Variants in USP30 observed in about 807,000 individuals in gnomAD.
USP30 encodes the protein ubiquitin specific peptidase 30.
In USP30, 41 loss-of-function variants were observed where a neutral mutation model predicts 68.2. The ratio of observed to expected loss-of-function variants is 0.60; its 90% CI spans 0.47 to 0.78. The LOEUF is 0.78. Among genes scored for constraint, USP30 ranks in the 30% least tolerant of loss-of-function variants. The probability of loss-of-function intolerance (pLI) is 0.00; values close to 1 mark genes in which losing one functional copy is unlikely to be tolerated. For synonymous variants in USP30, 229 were observed against 253.7 expected (o/e 0.90, Z 0.93); for missense variants, 522 against 649.4 (o/e 0.80, Z 2.13).
In USP30 at chr12:109,086,990, A is replaced by G. The variant is rs571199523; in HGVS notation, c.*1059A>G. 6.6e-6 allele frequency: 1 copy of G among 152,172 alleles called. No homozygotes were observed. Among genetic ancestry groups the G allele is most frequent in the South Asian group, 2.1e-4 (1 of 4,820 alleles). The allele number at this position is 152,172 out of a possible 1,614,324, so 9.4% of individuals were successfully genotyped here. ...TCAGCCCTTTTCACGAAAAGGAGAAAGCAGCTTTTGACTTTTTAAAAAACA... is the reference window on the plus strand; with the variant it reads ...TCAGCCCTTTTCACGAAAAGGAGAAGGCAGCTTTTGACTTTTTAAAAAACA... On this transcript the variant is annotated 3_prime_UTR_variant, in exon 13 of 13. Coordinates refer to ENST00000257548, the MANE Select transcript of USP30 (RefSeq NM_032663.5).
At chr12:109,038,347 A>AT (rs2040537168) in intron 3 of USP30, among the ~76,000 whole-genome samples, 1 of 152,004 alleles carries the variant, frequency 6.6e-6, no homozygotes, top group African/African-American at 2.4e-5. Flanking sequence ...ATTCATTTTT[A>AT]TGGTTGCATA....
At chr12:109,043,597 A>C (rs11829521) in intron 3 of USP30, among the ~76,000 whole-genome samples, 5,336 of 152,302 alleles carry the variant, frequency 0.035, 297 homozygotes, top group African/African-American at 0.12. Context: ...AAATACCAAA[A>C]TGCAAGACCT....
At chr12:109,060,949 T>C (rs556974159) in intron 3 of USP30, among the ~76,000 whole-genome samples, 9 of 152,166 alleles carry the variant, frequency 5.9e-5, no homozygotes, top group Non-Finnish European at 1.2e-4. Context: ...CTTGGCCTTT[T>C]TAATTTTTTT....
At chr12:109,056,575 T>G in intron 1 of USP30, 107 bp from the exon 2 acceptor site, 1 of 659,138 alleles carries the variant, frequency 1.5e-6, no homozygotes, top group Non-Finnish European at 2.6e-6. Flanking sequence ...TAACTTGCAA[T>G]TAGGTATTTG....
upstream of USP30, among the ~76,000 whole-genome samples, chr12:109,049,575 G>A (rs561659461): frequency 1.6e-4 from 24 of 152,214 alleles, 1 homozygote; most frequent in South Asian, 4.2e-3. Flanking sequence ...AGCACTTTGG[G>A]AGGCCAGGGC....
chr12:109,077,736 C>G (rs1453696178), intron 7 of USP30, among the ~76,000 whole-genome samples: 1 of 151,934 alleles, frequency 6.6e-6, no homozygotes, highest in Non-Finnish European at 1.5e-5. Flanking sequence ...TCCCCCTTCA[C>G]TGGCTTCTTT....
rs370667369 is a variant in USP30, at chr12:109,070,521, T to C, written c.481-1091T>C. Among the ~76,000 whole-genome samples the C allele has an allele frequency of 5.3e-5, 8 of 152,314 alleles. No individual in the cohort carries two copies. Among genetic ancestry groups the C allele is most frequent in the South Asian group, 2.1e-4 (1 of 4,830 alleles). On this transcript the variant is annotated intron_variant, in intron 4 of 12. Transcript: ENST00000257548. This position sits in a 1 kb window ranked among gnomAD's most constrained non-coding sequence, Gnocchi z 4.0. ...GGGACATTGTGAATGTTGGGGGCTT[T>C]GTAGGCCAGATAAGAATGGTAGGTT...
rs145026925 is a variant in USP30, at chr12:109,083,660, T to C, written c.1168+598T>C. Reference sequence around the variant, plus strand: ...GGCCCTAGAATGCCATGTTGGGCCATTTTCTAAAGGTGTCTCATGTGACAC... The same window carrying C: ...GGCCCTAGAATGCCATGTTGGGCCACTTTCTAAAGGTGTCTCATGTGACAC... On this transcript the variant is annotated intron_variant, in intron 11 of 12. Transcript: ENST00000257548. 2.1e-3 allele frequency among the ~76,000 whole-genome samples: 321 copies of C among 152,170 alleles called. 2 individuals carry two copies. The highest frequency in any genetic ancestry group is 7.5e-3 in the African/African-American group (313 of 41,498).
At chr12:109,038,349 G>C (rs955687145) in intron 3 of USP30, among the ~76,000 whole-genome samples, 2 of 152,046 alleles carry the variant, frequency 1.3e-5, no homozygotes, top group African/African-American at 4.8e-5. Context: ...TCATTTTTAT[G>C]GTTGCATAGT....
At chr12:109,051,249 C>CTTTTTTTTTTTT (rs138942249), upstream of USP30, among the ~76,000 whole-genome samples, 1 of 63,566 alleles carries the variant, frequency 1.6e-5, no homozygotes, top group Non-Finnish European at 2.6e-5. Flanking sequence ...TTACCTCTTG[C>CTTTTTTTTTTTT]TTTTTTTTTT....
At chr12:109,046,228 A>G (rs1359858304) in intron 3 of USP30, among the ~76,000 whole-genome samples, 1 of 148,960 alleles carries the variant, frequency 6.7e-6, no homozygotes, top group Admixed American at 6.8e-5. Context: ...CAGCCTCCCT[A>G]GTACCTGGGA....
Position 109,073,351 on chromosome 12 carries a change from T to G in USP30, c.626-87T>G, listed in dbSNP as rs577143436. 2.7e-5 allele frequency: 25 copies of G among 922,468 alleles called. No homozygotes were observed. The South Asian group carries it at 3.5e-4, about 13-fold the overall frequency. The allele number at this position is 922,468 out of a possible 1,614,324, so 57.1% of individuals were successfully genotyped here. On this transcript the variant is annotated intron_variant, in intron 6 of 12. Transcript: ENST00000257548. ...GAATATTTTTTCTTAAGAGGTAGTT[T>G]CTACCACATGCTAGAAAGGAAGATG...
chr12:109,052,795 C>T (rs1286248787), intron 1 of USP30, 34 bp downstream of exon 1: 8 of 1,430,834 alleles, frequency 5.6e-6, no homozygotes, highest in Non-Finnish European at 7.3e-6. Context: ...GCCGAAGAGG[C>T]CGGGACCAGG....
intron 8 of USP30, chr12:109,081,660 C>CACACACACACACACACAG (rs2041806623): frequency 1.4e-5 from 8 of 565,536 alleles, no homozygotes; most frequent in South Asian, 1.3e-4. Context: ...CACACACACA[C>CACACACACACACACACAG]ACAGACATTA....
intron 3 of USP30, among the ~76,000 whole-genome samples, chr12:109,036,759 C>T (rs2040524145): frequency 6.6e-6 from 1 of 151,928 alleles, no homozygotes; most frequent in African/African-American, 2.4e-5. Flanking sequence ...CTTCTACTAC[C>T]TTTGGACCAC....
chr12:109,045,907 C>T (rs2040600444), intron 3 of USP30, among the ~76,000 whole-genome samples: 1 of 152,040 alleles, frequency 6.6e-6, no homozygotes, highest in South Asian at 2.1e-4. Context: ...TACATGTAGA[C>T]ATAGATATAG....
rs551706249 is a variant in USP30, at chr12:109,047,566, T to C, written c.-135-24T>C. 2.6e-5 allele frequency: 4 copies of C among 152,334 alleles called. No individual in the cohort carries two copies. In the East Asian group the frequency reaches 7.7e-4, roughly 29 times the overall value. 9.4% of individuals were successfully genotyped at this position (152,334 alleles called of 1,614,324 possible). Reference sequence around the variant, plus strand: ...AACACAAATACATTATACATGTTCATGTGAAAGCATCTTGTTTTTCCAGAC... The same window carrying C: ...AACACAAATACATTATACATGTTCACGTGAAAGCATCTTGTTTTTCCAGAC... On this transcript the variant is annotated intron_variant, in intron 3 of 15. Transcript: ENST00000392784.
Position 109,072,292 on chromosome 12 carries a change from T to C in USP30, c.580-13T>C, listed in dbSNP as rs757714356. On this transcript the variant is annotated splice_polypyrimidine_tract_variant and intron_variant, in intron 5 of 12. Transcript: ENST00000257548. ...AAGGTTTTCAGTCTGTTTTTTTTTT[T>C]TCTCCCCTACAGCAGCAGTCAGAAA... is the stretch of plus-strand genomic sequence containing the variant. The C allele has an allele frequency of 6.2e-7, 1 of 1,613,148 alleles. No homozygotes were observed. The highest frequency in any genetic ancestry group is 8.5e-7 in the Non-Finnish European group (1 of 1,179,500).
At chr12:109,055,369 C>CATATATATACATATATATATACATATAT (rs2040811421) in intron 1 of USP30, among the ~76,000 whole-genome samples, 2 of 68,796 alleles carry the variant, frequency 2.9e-5, no homozygotes, top group East Asian at 7.4e-4. Flanking sequence ...TACACACACA[C>CATATATATACATATATATATACATATAT]ATATATATAC....
Sources: allele counts gnomAD v4.1 joint callset (sites outside exome capture counted in the v4.1 genomes callset), GRCh38; gene constraint gnomAD v4.1.1; non-coding constraint Gnocchi (gnomAD v3.1); transcripts MANE v1.5; gene names NCBI Gene and HGNC (gene_info 2026-07-23, HGNC 2026-07-21).